Variants in CECR2 observed in about 807,000 individuals in gnomAD.
CECR2 encodes the protein chromatin remodeling regulator CECR2.
A neutral mutation model predicts 154.5 loss-of-function variants in CECR2; 30 were observed. That is an observed-to-expected ratio of 0.19 (90% CI 0.15 to 0.26). The LOEUF (loss-of-function observed/expected upper bound fraction) is 0.26. Among genes scored for constraint, CECR2 ranks in the 10% least tolerant of loss-of-function variants. The probability of loss-of-function intolerance (pLI) is 1.00; values close to 1 mark genes in which losing one functional copy is unlikely to be tolerated. For synonymous variants in CECR2, 725 were observed against 683.7 expected (o/e 1.06, Z -0.94); for missense variants, 1,743 against 1,829.3 (o/e 0.95, Z 0.86).
At chr22:17,448,846 T>C (rs758920200) in intron 1 of CECR2, among the ~76,000 whole-genome samples, 2 of 152,114 alleles carry the variant, frequency 1.3e-5, no homozygotes, top group Non-Finnish European at 2.9e-5. Context: ...TTCTTCTTTC[T>C]CCTTTTCAGA....
intron 1 of CECR2, among the ~76,000 whole-genome samples, chr22:17,405,828 T>C (rs2053976235): frequency 6.6e-6 from 1 of 152,144 alleles, no homozygotes. Context: ...TTTGCATCTT[T>C]TTGCAATGTG....
rs117699133 is a variant in CECR2 at position 17,379,911 on chromosome 22, C to T, written c.126+10002C>T. On this transcript the variant is annotated intron_variant, in intron 1 of 18. Coordinates refer to ENST00000262608, the MANE Select transcript of CECR2 (RefSeq NM_001290047.2). Reference sequence around the variant, plus strand: ...ATAGAACTTCAAGGAAATGAGATCACATTATCTGTGGCTTTTGAAGATGTT... The same window carrying T: ...ATAGAACTTCAAGGAAATGAGATCATATTATCTGTGGCTTTTGAAGATGTT... 0.013 allele frequency among the ~76,000 whole-genome samples: 1,963 copies of T among 152,236 alleles called. 117 individuals carry two copies. In the East Asian group the frequency reaches 0.19, roughly 15 times the overall value.
chr22:17,419,482 C>T, intron 1 of CECR2: 1 of 200,588 alleles, frequency 5.0e-6, no homozygotes, highest in Non-Finnish European at 1.0e-5. Flanking sequence ...GACTCAGAAA[C>T]AGAGCCTCAT....
rs754905189 is a variant in CECR2 at position 17,542,578 on chromosome 22, G to A, written c.2435G>A (p.Arg812Gln). ...ACTCTCGGTCACGTGATGGATTCCC[G>A]AGTCATGAGACCACCTGTCCCCCCC... ...PRTLGHVMDS[R>Q]VMRPPVPPNQ... Residue 812 changes from arginine to glutamine, a missense_variant, in exon 16 of 19, where the codon CGA becomes CAA. Arg to Gln is a conservative substitution (Grantham distance 43). Transcript: ENST00000262608. 18 of 1,613,846 alleles carry A rather than the reference G, an allele frequency of 1.1e-5. No individual in the cohort carries two copies. The highest frequency in any genetic ancestry group is 4.0e-5 in the African/African-American group (3 of 74,914).
At chr22:17,377,915 T>C (rs1350506569) in intron 1 of CECR2, among the ~76,000 whole-genome samples, 1 of 152,218 alleles carries the variant, frequency 6.6e-6, no homozygotes, top group African/African-American at 2.4e-5. Context: ...GCCTCAGCAC[T>C]ATTGATAGTT....
intron 1 of CECR2, among the ~76,000 whole-genome samples, chr22:17,363,216 ATT>A (rs769888131): frequency 3.5e-5 from 5 of 142,190 alleles, no homozygotes; most frequent in East Asian, 4.2e-4. Flanking sequence ...CACCTGGCTA[ATT>A]TTTTTTTTTT....
intron 1 of CECR2, among the ~76,000 whole-genome samples, chr22:17,460,724 G>A (rs934871777): frequency 6.6e-6 from 1 of 152,152 alleles, no homozygotes; most frequent in African/African-American, 2.4e-5. Flanking sequence ...GTATCCTTAT[G>A]TCCCAGTCGT....
Position 17,538,647 on chromosome 22 carries a change from C to A in CECR2, c.1284C>A (p.Asp428Glu). ...DDFTAMYKVL[D>E]VVKAHKDSWP... is the part of the protein sequence containing the mutation. The stretch of plus-strand genomic sequence containing the variant: ...CTCTTCTCTGGCTTTCAGTTCTAGA[C>A]GTGGTAAAGGCTCACAAGGATTCCT... The change falls in exon 12 of 19, where the codon GAC becomes GAA. Residue 428 changes from aspartate to glutamate, a missense_variant. This residue lies in a region of CECR2 where 103 missense variants were observed against 166.8 expected (regional missense o/e 0.62). Transcript: ENST00000262608. 6.2e-7 allele frequency: 1 copy of A among 1,613,938 alleles called. No individual in the cohort carries two copies. Among genetic ancestry groups the A allele is most frequent in the South Asian group, 1.1e-5 (1 of 91,080 alleles).
intron 16 of CECR2, among the ~76,000 whole-genome samples, chr22:17,547,469 A>C (rs1257175825): frequency 6.6e-6 from 1 of 152,070 alleles, no homozygotes; most frequent in Non-Finnish European, 1.5e-5. Context: ...TGACCTCGTG[A>C]TCTGCCCGCC....
chr22:17,505,534 CTTTTTTTT>C (rs11387639), intron 7 of CECR2, among the ~76,000 whole-genome samples: 14,848 of 98,836 alleles, frequency 0.15, 750 homozygotes, highest in Admixed American at 0.18. Context: ...CCTCTTTTTC[CTTTTTTTT>C]TTTTTTTTTT....
At chr22:17,404,389 T>TTTTTTTTTTTTTG (rs1164483848) in intron 1 of CECR2, among the ~76,000 whole-genome samples, 1 of 91,958 alleles carries the variant, frequency 1.1e-5, no homozygotes, top group Non-Finnish European at 2.3e-5. Context: ...TTTTTTTTTT[T>TTTTTTTTTTTTTG]TTGAGACGGA....
Position 17,552,774 on chromosome 22 carries a change from G to GTTT in CECR2, c.4390-50_4390-48dup, listed in dbSNP as rs695569. ...CTTGGACATTCTTTGGCTTACTTAA[G>GTTT]TTTTTTTTTTTTTAACAACCCAATT... On this transcript the variant is annotated intron_variant, in intron 18 of 18. Coordinates refer to ENST00000262608, the MANE Select transcript of CECR2 (RefSeq NM_001290047.2). The GTTT allele has an allele frequency of 4.1e-4, 387 of 942,986 alleles. 5 individuals carry two copies. Among genetic ancestry groups the GTTT allele is most frequent in the African/African-American group, 3.1e-3 (135 of 43,442 alleles). 58.4% of individuals were successfully genotyped at this position (942,986 alleles called of 1,614,324 possible).
chr22:17,383,679 T>TTG lies in CECR2; in HGVS notation c.126+13770_126+13771insTG, dbSNP rs1162930144. 1.6e-3 allele frequency among the ~76,000 whole-genome samples: 232 copies of TTG among 147,696 alleles called. 1 individual carries two copies. Among genetic ancestry groups the TTG allele is most frequent in the African/African-American group, 5.6e-3 (222 of 39,812 alleles). ...CCACTTTTTTTTTTTTTTTTTTTTT[T>TTG]GAAGTGGAGTCTTGCTCTATTGCCC... On this transcript the variant is annotated intron_variant, in intron 1 of 18. Transcript: ENST00000262608.
intron 1 of CECR2, among the ~76,000 whole-genome samples, chr22:17,429,168 T>C (rs73876437): frequency 0.067 from 10,217 of 151,612 alleles, 933 homozygotes; most frequent in East Asian, 0.36. Flanking sequence ...ATCATGGTGG[T>C]GGGGGGATGG....
At chr22:17,424,803 T>TA (rs2054306701) in intron 1 of CECR2, 1 of 152,656 alleles carries the variant, frequency 6.6e-6, no homozygotes, top group African/African-American at 2.4e-5. Flanking sequence ...GCAACAGTGA[T>TA]ACTGTTGTCT....
In CECR2 at chr22:17,540,712, G is replaced by A. The variant is rs761960139; in HGVS notation, c.1796G>A (p.Arg599Gln). 17 of 1,613,154 alleles carry A rather than the reference G, an allele frequency of 1.1e-5. No homozygotes were observed. Among genetic ancestry groups the A allele is most frequent in the South Asian group, 8.8e-5 (8 of 90,882 alleles). Residue 599 changes from arginine to glutamine, a missense_variant, in exon 14 of 19, where the codon CGG (arginine) becomes CAG (glutamine). Physicochemically the swap from Arg to Gln is conservative, Grantham distance 43 (BLOSUM62 1). Transcript: ENST00000262608. ...DQSSSSTQPPREVGTSNGRGF... is the reference protein window; with the variant it reads ...DQSSSSTQPPQEVGTSNGRGF... ...AGCAGCAGCTCCACACAGCCCCCGC[G>A]GGAGGTGGGCACTTCCAATGGCCGA...
intron 1 of CECR2, among the ~76,000 whole-genome samples, chr22:17,463,903 G>T (rs2054984763): frequency 6.6e-6 from 1 of 152,140 alleles, no homozygotes; most frequent in Admixed American, 6.5e-5. Flanking sequence ...TAGAGTTGGA[G>T]GGCTAGGGTG....
intron 1 of CECR2, among the ~76,000 whole-genome samples, chr22:17,377,965 A>G (rs2063136120): frequency 6.6e-6 from 1 of 152,062 alleles, no homozygotes; most frequent in African/African-American, 2.4e-5. Context: ...TATATGAGGA[A>G]TGTTATATGC....
At chr22:17,507,661 A>T (rs2055871703) in intron 7 of CECR2, among the ~76,000 whole-genome samples, 1 of 152,128 alleles carries the variant, frequency 6.6e-6, no homozygotes, top group African/African-American at 2.4e-5. Context: ...TCAAGCATTG[A>T]TTCTTTTCAA....
Sources: gnomAD v4.1 joint callset for allele counts (sites outside exome capture counted in the v4.1 genomes callset) on GRCh38, gnomAD v4.1.1 for gene constraint, gnomAD v4.1.1 regional missense constraint, MANE v1.5 for transcripts, NCBI Gene and HGNC (gene_info 2026-07-23, HGNC 2026-07-21) for gene names.